Variants in NKIRAS1 observed in about 807,000 individuals in gnomAD.
The protein encoded by NKIRAS1 is NF-kappa-B inhibitor-interacting Ras-like protein 1.
In NKIRAS1, 16 loss-of-function variants were observed where a neutral mutation model predicts 19.8. The ratio of observed to expected loss-of-function variants is 0.81; its 90% CI spans 0.55 to 1.23. The LOEUF is 1.23. NKIRAS1 is among the 50% of genes most tolerant of loss of function. The pLI, the probability that NKIRAS1 is intolerant of heterozygous loss-of-function variation, is 0.00. For synonymous variants in NKIRAS1, 88 were observed against 79.0 expected (o/e 1.11, Z -0.61); for missense variants, 184 against 220.0 (o/e 0.84, Z 1.04).
chr3:23,918,345 G>C (rs1417876153), upstream of NKIRAS1: 2 of 1,381,454 alleles, frequency 1.4e-6, no homozygotes, highest in Non-Finnish European at 2.0e-6. Context: ...ACTTACTGTT[G>C]AAGTATTTTT....
At chr3:23,893,423 C>G (rs1222630949) in intron 4 of NKIRAS1, 86 bp from the exon 5 acceptor site, 3 of 1,206,696 alleles carry the variant, frequency 2.5e-6, no homozygotes, top group East Asian at 4.8e-5. Context: ...GAAAATTGTT[C>G]CACTTAACAA....
intron 4 of NKIRAS1, among the ~76,000 whole-genome samples, chr3:23,897,938 G>A (rs935083723): frequency 2.6e-5 from 4 of 152,154 alleles, no homozygotes; most frequent in African/African-American, 4.8e-5. Flanking sequence ...AAGCATTCAC[G>A]GAATTAATAC....
chr3:23,935,265 C>T (rs1318122537), intron 1 of NKIRAS1, among the ~76,000 whole-genome samples: 1 of 151,538 alleles, frequency 6.6e-6, no homozygotes, highest in Non-Finnish European at 1.5e-5. Context: ...TTATTGCCAA[C>T]TCAAAAATAA....
intron 1 of NKIRAS1, chr3:23,945,746 C>T (rs1023640463): frequency 9.3e-6 from 5 of 538,500 alleles, no homozygotes; most frequent in African/African-American, 6.1e-5. Flanking sequence ...GCTCGGTTCC[C>T]ATCGCCCCCC....
At chr3:23,918,370 G>T, upstream of NKIRAS1, 1 of 1,528,402 alleles carries the variant, frequency 6.5e-7, no homozygotes, top group South Asian at 1.2e-5. Context: ...GAGTATTAGT[G>T]ACAAGCCATT....
At chr3:23,929,037 A>G (rs1408082328) in intron 1 of NKIRAS1, among the ~76,000 whole-genome samples, 2 of 151,150 alleles carry the variant, frequency 1.3e-5, no homozygotes, top group Non-Finnish European at 2.9e-5. Context: ...AAGAAAATAT[A>G]TTTAAAACAA....
intron 1 of NKIRAS1, among the ~76,000 whole-genome samples, chr3:23,928,273 G>C (rs1705243738): frequency 6.6e-6 from 1 of 150,682 alleles, no homozygotes; most frequent in Non-Finnish European, 1.5e-5. Context: ...CTGGGCAACA[G>C]AGCAAGACTC....
intron 4 of NKIRAS1, among the ~76,000 whole-genome samples, chr3:23,900,305 A>G (rs1559502541): frequency 6.6e-6 from 1 of 152,316 alleles, no homozygotes; most frequent in East Asian, 1.9e-4. Flanking sequence ...TCTGGTCCTA[A>G]CTAAATTCAG....
chr3:23,901,676 G>C (rs2125381858), intron 3 of NKIRAS1, among the ~76,000 whole-genome samples: 1 of 152,268 alleles, frequency 6.6e-6, no homozygotes, highest in Middle Eastern at 3.4e-3. Context: ...AGCCCTTACT[G>C]ATAAAGGAAT....
intron 3 of NKIRAS1, among the ~76,000 whole-genome samples, chr3:23,902,552 AAGC>A (rs1237755681): frequency 2.0e-5 from 3 of 152,224 alleles, no homozygotes; most frequent in Non-Finnish European, 4.4e-5. Context: ...AAAAACTACC[AAGC>A]ATTTTGTCAT....
At chr3:23,945,538 T>C in intron 1 of NKIRAS1, 12 of 1,128,980 alleles carry the variant, frequency 1.1e-5, no homozygotes, top group Non-Finnish European at 1.3e-5. Flanking sequence ...CTGCCCCCTC[T>C]GCGGGAAGCG....
At chr3:23,894,172 C>G (rs918610769) in intron 4 of NKIRAS1, among the ~76,000 whole-genome samples, 1 of 152,126 alleles carries the variant, frequency 6.6e-6, no homozygotes. Flanking sequence ...CCAGACACTG[C>G]GCGTGACAGA....
At chr3:23,935,844 C>T (rs1266941930) in intron 1 of NKIRAS1, among the ~76,000 whole-genome samples, 4 of 152,008 alleles carry the variant, frequency 2.6e-5, no homozygotes, top group Non-Finnish European at 4.4e-5. Flanking sequence ...CTTTGGGAGG[C>T]CAAGGCAGGA....
intron 1 of NKIRAS1, among the ~76,000 whole-genome samples, chr3:23,912,131 T>C (rs926818738): frequency 1.3e-5 from 2 of 152,138 alleles, no homozygotes; most frequent in East Asian, 1.9e-4. Context: ...AAATTGCCCA[T>C]GCACAGGACT....
intron 1 of NKIRAS1, among the ~76,000 whole-genome samples, chr3:23,937,324 C>A (rs114913686): frequency 0.036 from 5,483 of 151,704 alleles, 141 homozygotes; most frequent in Middle Eastern, 0.092. Flanking sequence ...GGGCCATAGA[C>A]TCTGTCTGGA....
intron 3 of NKIRAS1, among the ~76,000 whole-genome samples, chr3:23,907,630 G>C (rs1430531149): frequency 6.6e-6 from 1 of 152,316 alleles, no homozygotes; most frequent in African/African-American, 2.4e-5. Context: ...AGTGCAAATC[G>C]AGTCAGTGGC....
chr3:23,932,937 C>T (rs1407839565), intron 1 of NKIRAS1, among the ~76,000 whole-genome samples: 2 of 152,064 alleles, frequency 1.3e-5, no homozygotes, highest in Non-Finnish European at 2.9e-5. Flanking sequence ...ACTCCTAATA[C>T]TGGAAATCTG....
upstream of NKIRAS1, chr3:23,918,989 A>C (rs1704898152): frequency 5.1e-6 from 3 of 592,648 alleles, no homozygotes; most frequent in Non-Finnish European, 9.0e-6. Context: ...AGAGGGAATG[A>C]TGTGTTTCAG....
intron 1 of NKIRAS1, chr3:23,945,508 C>G: frequency 7.4e-6 from 7 of 946,712 alleles, no homozygotes; most frequent in Non-Finnish European, 7.8e-6. Context: ...CGGCGCGGCG[C>G]TGAGGCGGCG....
Sources: gnomAD v4.1 joint callset for allele counts (sites outside exome capture counted in the v4.1 genomes callset) on GRCh38, gnomAD v4.1.1 for gene constraint, MANE v1.5 for transcripts, NCBI Gene and HGNC (gene_info 2026-07-23, HGNC 2026-07-21) for gene names.